The following ZSCAN21 variants were observed in gnomAD, a reference collection of about 807,000 sequenced individuals.
The protein encoded by ZSCAN21 is zinc finger and SCAN domain containing 21, also known as zinc finger and SCAN domain-containing protein 21.
In ZSCAN21, 26 loss-of-function variants were observed where a neutral mutation model predicts 35.6. That is an observed-to-expected ratio of 0.73 (90% CI 0.54 to 1.01). The LOEUF is 1.01. Ranked by LOEUF, ZSCAN21 falls within the 50% of genes least tolerant of loss-of-function variation. The probability of loss-of-function intolerance (pLI) is 0.00; values close to 1 mark genes in which losing one functional copy is unlikely to be tolerated. For synonymous variants in ZSCAN21, 219 were observed against 219.3 expected (o/e 1.00, Z 0.01); for missense variants, 593 against 587.1 (o/e 1.01, Z -0.10).
intron 3 of ZSCAN21, among the ~76,000 whole-genome samples, chr7:100,061,904 G>C (rs1792305729): frequency 6.6e-6 from 1 of 152,206 alleles, no homozygotes; most frequent in African/African-American, 2.4e-5. Context: ...CCCTGATGTG[G>C]ATGGCCAGGT....
intron 2 of ZSCAN21, 57 bp from the exon 3 acceptor site, chr7:100,057,641 C>T: frequency 3.3e-6 from 5 of 1,497,962 alleles, no homozygotes; most frequent in Non-Finnish European, 4.5e-6. Context: ...CTGGGATTTT[C>T]ATTCTTGGTC....
intron 1 of ZSCAN21, among the ~76,000 whole-genome samples, chr7:100,051,005 A>G (rs920223948): frequency 6.6e-6 from 1 of 151,518 alleles, no homozygotes; most frequent in Non-Finnish European, 1.5e-5. Context: ...CAGCCTGACC[A>G]ACATGGAGAA....
intron 1 of ZSCAN21, among the ~76,000 whole-genome samples, chr7:100,051,934 T>G (rs1447584561): frequency 1.3e-5 from 2 of 152,084 alleles, no homozygotes; most frequent in Non-Finnish European, 2.9e-5. Flanking sequence ...GCCGCATGCT[T>G]CTTTATTTTT....
intron 1 of ZSCAN21, among the ~76,000 whole-genome samples, chr7:100,050,319 G>C (rs1392742019): frequency 6.6e-6 from 1 of 152,128 alleles, no homozygotes; most frequent in Non-Finnish European, 1.5e-5. Flanking sequence ...CTCGGGCTTT[G>C]TTCGGGCTAG....
At chr7:100,055,137 G>A (rs924237013) in intron 1 of ZSCAN21, among the ~76,000 whole-genome samples, 2 of 151,728 alleles carry the variant, frequency 1.3e-5, no homozygotes, top group African/African-American at 2.4e-5. Flanking sequence ...TGTATTTTTA[G>A]TAGAGACAGG....
chr7:100,056,145 T>C (rs1468835435), intron 1 of ZSCAN21, among the ~76,000 whole-genome samples: 1 of 150,848 alleles, frequency 6.6e-6, no homozygotes, highest in African/African-American at 2.4e-5. Context: ...TTCACCGTGT[T>C]AGCCAGGATG....
Position 100,064,617 on chromosome 7 carries a change from A to G in ZSCAN21, c.1422A>G (p.Ter474=), listed in dbSNP as rs1792542770. 6.2e-7 allele frequency: 1 copy of G among 1,612,182 alleles called. No homozygotes were observed. The highest frequency in any genetic ancestry group is 8.5e-7 in the Non-Finnish European group (1 of 1,179,034). Residue 474 remains the stop codon, a stop_retained_variant, in exon 4 of 4, where the codon TAA becomes TAG. Coordinates refer to ENST00000292450, the MANE Select transcript of ZSCAN21 (RefSeq NM_145914.3). ...ACACTGGAGAGGGAGAAGCACCGTA[A>G]CTTTCAAGCGCTCCTGTTGTTGTCG... The part of the protein sequence containing the change: ...RVHTGEGEAP[*]
intron 3 of ZSCAN21, among the ~76,000 whole-genome samples, chr7:100,059,930 G>A (rs551649119): frequency 1.3e-5 from 2 of 151,804 alleles, no homozygotes; most frequent in Non-Finnish European, 2.9e-5. Context: ...GACTGGTCTC[G>A]AACTCCTGAC....
intron 1 of ZSCAN21, among the ~76,000 whole-genome samples, chr7:100,053,545 A>AGTT (rs1554357976): frequency 6.3e-4 from 82 of 130,408 alleles, no homozygotes; most frequent in African/African-American, 2.4e-3. Context: ...ATACATACAT[A>AGTT]ATTTTTTTTT....
chr7:100,051,282 C>CTTTTTTGTTTTTTTTTTTTTTTTTT (rs1791864323), intron 1 of ZSCAN21, among the ~76,000 whole-genome samples: 1 of 34,948 alleles, frequency 2.9e-5, no homozygotes, highest in Non-Finnish European at 5.2e-5. Context: ...TAGGGATTTT[C>CTTTTTTGTTTTTTTTTTTTTTTTTT]TTTTTTTTTT....
intron 3 of ZSCAN21, among the ~76,000 whole-genome samples, chr7:100,060,522 A>AT (rs1334018842): frequency 6.6e-6 from 1 of 152,018 alleles, no homozygotes; most frequent in African/African-American, 2.4e-5. Context: ...AGATCGCGCC[A>AT]TTGCACTCCA....
rs1341964534 is a variant in ZSCAN21, at chr7:100,057,891, G to A, written c.592+1G>A. On this transcript the variant is annotated splice_donor_variant, in intron 3 of 3. Coordinates refer to ENST00000292450, the MANE Select transcript of ZSCAN21 (RefSeq NM_145914.3). LOFTEE classifies it high-confidence loss of function. ...GCTCAAGATCCAAGAAAGGTCCGAG[G>A]TGAGGACCACCCATTAGACTCCTAT... is the stretch of plus-strand genomic sequence containing the variant. 1.3e-6 allele frequency: 2 copies of A among 1,599,690 alleles called. No individual in the cohort carries two copies. Among genetic ancestry groups the A allele is most frequent in the African/African-American group, 1.3e-5 (1 of 74,336 alleles).
At chr7:100,053,546 A>ATACATACATAGT (rs755978112) in intron 1 of ZSCAN21, among the ~76,000 whole-genome samples, 17 of 79,486 alleles carry the variant, frequency 2.1e-4, no homozygotes, top group South Asian at 3.3e-4. Flanking sequence ...TACATACATA[A>ATACATACATAGT]TTTTTTTTTT....
Position 100,057,688 on chromosome 7 carries a change from T to C in ZSCAN21, c.400-10T>C, listed in dbSNP as rs1424592626. 1 of 1,598,034 alleles carries C rather than the reference T, an allele frequency of 6.3e-7. No homozygotes were observed. On this transcript the variant is annotated splice_polypyrimidine_tract_variant and intron_variant, in intron 2 of 3. Coordinates refer to ENST00000292450, the MANE Select transcript of ZSCAN21 (RefSeq NM_145914.3). ...CATGCACAAACCTAGCCATTCCTGA[T>C]TGTCTCTAGGTCTCAACTCCTCCAA... is the stretch of plus-strand genomic sequence containing the variant.
rs1584390615 is a variant in ZSCAN21 at position 100,064,061 on chromosome 7, G to A, written c.866G>A (p.Ser289Asn). ...GAATGTGGCAAAGCCTTTAGTAATA[G>A]CTCAAATCTCACCAAACACAGGAGA... is the stretch of plus-strand genomic sequence containing the variant. The part of the protein sequence containing the change: ...CAECGKAFSN[S>N]SNLTKHRRTH... The change falls in exon 4 of 4, where the codon AGC becomes AAC. Residue 289 changes from serine (S) to asparagine (N), a missense_variant. Coordinates refer to ENST00000292450, the MANE Select transcript of ZSCAN21 (RefSeq NM_145914.3). 1.2e-6 allele frequency: 2 copies of A among 1,614,114 alleles called. No individual in the cohort carries two copies. Among genetic ancestry groups the A allele is most frequent in the Non-Finnish European group, 1.7e-6 (2 of 1,180,028 alleles).
At position 100,064,453 on chromosome 7, in the gene ZSCAN21, G is replaced by A; in HGVS notation, c.1258G>A (p.Glu420Lys). The A allele has an allele frequency of 1.2e-6, 2 of 1,613,590 alleles. No individual in the cohort carries two copies. Among genetic ancestry groups the A allele is most frequent in the Non-Finnish European group, 8.5e-7 (1 of 1,179,970 alleles). The change falls in exon 4 of 4, where the codon GAG (glutamate) becomes AAG (lysine). Residue 420 changes from glutamate to lysine, a missense_variant. Transcript: ENST00000292450. ...HTGEKPYKCKECGKAFNHSSN... is the reference protein window; with the variant it reads ...HTGEKPYKCKKCGKAFNHSSN... ...CGGAGAGAAGCCATATAAGTGTAAG[G>A]AGTGTGGGAAAGCCTTCAACCACAG... is the stretch of plus-strand genomic sequence containing the variant.
At chr7:100,057,528 TC>T (rs1263645752) in intron 2 of ZSCAN21, 123 bp downstream of exon 2, 2 of 1,401,468 alleles carry the variant, frequency 1.4e-6, no homozygotes, top group East Asian at 4.7e-5. Context: ...AGACCTTGTT[TC>T]CTCCTATTTT....
chr7:100,064,419 A>C lies in ZSCAN21; in HGVS notation c.1224A>C (p.Arg408Ser), dbSNP rs943466071. The C allele has an allele frequency of 1.3e-6, 2 of 1,595,280 alleles. No individual in the cohort carries two copies. Among genetic ancestry groups the C allele is most frequent in the Non-Finnish European group, 1.7e-6 (2 of 1,171,160 alleles). ...ATGCGGGCCTCAGCTCCCACCAGAG[A>C]CTCCACACCGGAGAGAAGCCATATA... ...SQHAGLSSHQ[R>S]LHTGEKPYKC... The change falls in exon 4 of 4, where the codon AGA (arginine) becomes AGC (serine). Residue 408 changes from arginine to serine, a missense_variant. By Grantham distance (110) the Arg-to-Ser change is moderately radical. Coordinates refer to ENST00000292450, the MANE Select transcript of ZSCAN21 (RefSeq NM_145914.3).
Position 100,062,428 on chromosome 7 carries a change from T to TC in ZSCAN21, c.593-1359dup, listed in dbSNP as rs1223524151. Among the ~76,000 whole-genome samples the TC allele has an allele frequency of 1.1e-4, 16 of 150,896 alleles. 1 individual carries two copies. The East Asian group carries it at 3.1e-3, about 30-fold the overall frequency. ...GTCTAGAACATGGAGAAACCCTGTC[T>TC]CTACTAAAAATACAAAATAAGCCGG... On this transcript the variant is annotated intron_variant, in intron 3 of 3. Transcript: ENST00000292450.
Sources: gnomAD v4.1 joint callset for allele counts (sites outside exome capture counted in the v4.1 genomes callset) on GRCh38, gnomAD v4.1.1 for gene constraint, MANE v1.5 for transcripts, NCBI Gene and HGNC (gene_info 2026-07-23, HGNC 2026-07-21) for gene names.